The following WWOX variants were observed in gnomAD, a reference collection of about 807,000 sequenced individuals.
The protein encoded by WWOX is WW domain containing oxidoreductase, also known as WW domain-containing oxidoreductase.
In WWOX, 69 loss-of-function variants were observed where a neutral mutation model predicts 46.2. That is an observed-to-expected ratio of 1.49 (90% CI 1.23 to 1.82). The LOEUF (loss-of-function observed/expected upper bound fraction) is 1.82. WWOX is among the 40% of genes most tolerant of loss of function. WWOX has a pLI of 0.00. For missense variants in WWOX, 919 were observed against 542.6 expected, an observed-to-expected ratio of 1.69 and a Z score of -6.89; for synonymous variants, 359 against 202.6, an observed-to-expected ratio of 1.77 and a Z score of -6.56.
At chr16:78,576,169 T>C (rs2044874434) in intron 8 of WWOX, among the ~76,000 whole-genome samples, 4 of 152,216 alleles carry the variant, frequency 2.6e-5, no homozygotes, top group Non-Finnish European at 5.9e-5. Flanking sequence ...TTCAATATGC[T>C]ATGCATTTGA....
chr16:79,190,976 C>A (rs942310359), intron 8 of WWOX, among the ~76,000 whole-genome samples: 12 of 152,186 alleles, frequency 7.9e-5, no homozygotes, highest in African/African-American at 2.9e-4. Context: ...CAAATAAAAT[C>A]ATGTATCAAA....
intron 8 of WWOX, among the ~76,000 whole-genome samples, chr16:79,182,491 T>G (rs985195347): frequency 6.6e-6 from 1 of 151,898 alleles, no homozygotes; most frequent in South Asian, 2.1e-4. Context: ...AATGCAGTGA[T>G]TCTTCACTGG....
At chr16:78,772,559 C>T (rs1441276924) in intron 8 of WWOX, among the ~76,000 whole-genome samples, 2 of 152,010 alleles carry the variant, frequency 1.3e-5, no homozygotes, top group Non-Finnish European at 2.9e-5. Flanking sequence ...TATTATCTTC[C>T]CTTTTGTAGG....
rs1042643197 is a variant in WWOX at position 79,028,215 on chromosome 16, C to T, written c.1057-183393C>T. On this transcript the variant is annotated intron_variant, in intron 8 of 8. Transcript: ENST00000566780. ...CCACCTGCCTTGGCCTCCCAAAGTG[C>T]TGGGATTACAGGCGTGAGCCACCAC... Among the ~76,000 whole-genome samples, 21 of 151,930 alleles carry T rather than the reference C, an allele frequency of 1.4e-4. 1 individual carries two copies. The highest frequency in any genetic ancestry group is 5.1e-4 in the African/African-American group (21 of 41,204).
intron 8 of WWOX, among the ~76,000 whole-genome samples, chr16:78,610,543 T>C (rs192326319): frequency 6.6e-6 from 1 of 152,212 alleles, no homozygotes. Context: ...CCTGGACATA[T>C]TAATTTTAAA....
chr16:78,637,073 T>C (rs909985956), intron 8 of WWOX, among the ~76,000 whole-genome samples: 1 of 152,212 alleles, frequency 6.6e-6, no homozygotes, highest in African/African-American at 2.4e-5. Context: ...TGTGGACTAA[T>C]GAAAAATAAA....
At chr16:78,459,382 C>T (rs562919596) in intron 8 of WWOX, among the ~76,000 whole-genome samples, 21 of 152,264 alleles carry the variant, frequency 1.4e-4, no homozygotes, top group South Asian at 1.2e-3. Flanking sequence ...TGGATATTTC[C>T]GAGTGGCCTA....
intron 8 of WWOX, among the ~76,000 whole-genome samples, chr16:78,618,077 C>T (rs1224211019): frequency 6.6e-6 from 1 of 152,154 alleles, no homozygotes; most frequent in Non-Finnish European, 1.5e-5. Context: ...TCATGGCAAG[C>T]CTAAGAGGCC....
At chr16:78,220,545 A>G (rs1295356676) in intron 5 of WWOX, among the ~76,000 whole-genome samples, 2 of 152,148 alleles carry the variant, frequency 1.3e-5, no homozygotes, top group African/African-American at 2.4e-5. Flanking sequence ...GTTCAGTTTA[A>G]CCATCTTTTA....
intron 8 of WWOX, among the ~76,000 whole-genome samples, chr16:78,472,097 C>G (rs1214352465): frequency 6.6e-6 from 1 of 152,206 alleles, no homozygotes; most frequent in Non-Finnish European, 1.5e-5. Context: ...TTGCAGTAGA[C>G]AGAGAGTTGA....
rs145176786 is a variant in WWOX, at chr16:78,291,161, G to A, written c.517-95699G>A. Among the ~76,000 whole-genome samples the A allele has an allele frequency of 6.5e-3, 990 of 152,178 alleles. 7 individuals carry two copies. Among genetic ancestry groups the A allele is most frequent in the African/African-American group, 0.023 (939 of 41,504 alleles). Reference sequence around the variant, plus strand: ...ATCTGATTTCATCAAGTAAATATATGGGAAGTTGAGATGACATATTTTTAT... The same window carrying A: ...ATCTGATTTCATCAAGTAAATATATAGGAAGTTGAGATGACATATTTTTAT... On this transcript the variant is annotated intron_variant, in intron 5 of 8. Coordinates refer to ENST00000566780, the MANE Select transcript of WWOX (RefSeq NM_016373.4).
intron 8 of WWOX, among the ~76,000 whole-genome samples, chr16:79,186,575 C>G (rs2051019876): frequency 6.6e-6 from 1 of 152,186 alleles, no homozygotes; most frequent in Non-Finnish European, 1.5e-5. Context: ...GTATTCCAAT[C>G]TAATTACATG....
chr16:78,952,774 C>T (rs983387307), intron 8 of WWOX, among the ~76,000 whole-genome samples: 2 of 152,120 alleles, frequency 1.3e-5, no homozygotes, highest in African/African-American at 4.8e-5. Context: ...CAACGTATCC[C>T]TACTGCCCAG....
chr16:78,162,869 G>A (rs1293466236), intron 4 of WWOX, among the ~76,000 whole-genome samples: 1 of 152,028 alleles, frequency 6.6e-6, no homozygotes, highest in African/African-American at 2.4e-5. Context: ...GTCGTCAGCT[G>A]TGTCTTGTAT....
At chr16:78,295,713 AAAACAAACAAAC>A (rs34994613) in intron 5 of WWOX, among the ~76,000 whole-genome samples, 22 of 151,260 alleles carry the variant, frequency 1.5e-4, no homozygotes, top group Middle Eastern at 3.2e-3. Flanking sequence ...TCAGTCTTAA[AAAACAAACAAAC>A]AAACAAACAA....
chr16:78,288,301 A>G (rs1203720757), intron 5 of WWOX, among the ~76,000 whole-genome samples: 4 of 148,848 alleles, frequency 2.7e-5, no homozygotes, highest in Non-Finnish European at 5.9e-5. Flanking sequence ...CAGCACATAC[A>G]TATATGAAAT....
chr16:78,846,309 C>G (rs572069157), intron 8 of WWOX, among the ~76,000 whole-genome samples: 1 of 152,158 alleles, frequency 6.6e-6, no homozygotes, highest in African/African-American at 2.4e-5. Flanking sequence ...CTATAACTGA[C>G]CAACAGACTT....
In WWOX at chr16:78,846,431, A is replaced by T. The variant is rs192753464; in HGVS notation, c.1057-365177A>T. On this transcript the variant is annotated intron_variant, in intron 8 of 8. Coordinates refer to ENST00000566780, the MANE Select transcript of WWOX (RefSeq NM_016373.4). The stretch of plus-strand genomic sequence containing the variant: ...GGTCTGGGACAGTTTCTCATGCATT[A>T]TTTTTTTTAATGGCCTTGAAATTTT... 4.6e-5 allele frequency among the ~76,000 whole-genome samples: 7 copies of T among 151,662 alleles called. No homozygotes were observed. The East Asian group carries it at 1.4e-3, about 29-fold the overall frequency.
rs114817775 is a variant in WWOX, at chr16:78,337,578, C to G, written c.517-49282C>G. ...GCATAATGACAGGTGTCTGTCATTT[C>G]ATTATGGAGTGAAACCATTCCAATT... is the stretch of plus-strand genomic sequence containing the variant. On this transcript the variant is annotated intron_variant, in intron 5 of 8. Transcript: ENST00000566780. Among the ~76,000 whole-genome samples the G allele has an allele frequency of 2.1e-3, 322 of 152,254 alleles. 2 individuals carry two copies. The highest frequency in any genetic ancestry group is 7.5e-3 in the African/African-American group (313 of 41,572).
Sources: allele counts gnomAD v4.1 joint callset (sites outside exome capture counted in the v4.1 genomes callset), GRCh38; gene constraint gnomAD v4.1.1; transcripts MANE v1.5; gene names NCBI Gene and HGNC (gene_info 2026-07-23, HGNC 2026-07-21).